Variants in RAB27B observed in about 807,000 individuals in gnomAD.
The protein encoded by RAB27B is RAB27B, member RAS oncogene family.
In RAB27B, 15 loss-of-function variants were observed where a neutral mutation model predicts 24.6. The observed-to-expected ratio is 0.61, with a 90% CI of 0.41 to 0.94. The LOEUF (loss-of-function observed/expected upper bound fraction) is 0.94, where lower values mean the gene tolerates loss of function less well. Ranked by LOEUF, RAB27B falls within the 40% of genes least tolerant of loss-of-function variation. The pLI is 0.00. For synonymous variants in RAB27B, 105 were observed against 92.5 expected (o/e 1.14, Z -0.78); for missense variants, 261 against 266.8 (o/e 0.98, Z 0.15).
intron 2 of RAB27B, 78 bp downstream of exon 2, chr18:54,877,816 C>T (rs536825050): frequency 3.6e-6 from 5 of 1,393,264 alleles, no homozygotes; most frequent in African/African-American, 3.0e-5. Context: ...ATGTTTATTG[C>T]ATTGGAGTCT....
intron 1 of RAB27B, among the ~76,000 whole-genome samples, chr18:54,843,204 A>G (rs1281578174): frequency 6.6e-6 from 1 of 152,234 alleles, no homozygotes; most frequent in Non-Finnish European, 1.5e-5. Context: ...AGCAAGGAAC[A>G]TAACCTGCAT....
intron 1 of RAB27B, among the ~76,000 whole-genome samples, chr18:54,847,092 C>T (rs988351349): frequency 6.6e-6 from 1 of 152,118 alleles, no homozygotes; most frequent in African/African-American, 2.4e-5. Flanking sequence ...CTCAAGTGAT[C>T]CGCCCACCTC....
chr18:54,883,939 G>A (rs1913026453), intron 3 of RAB27B, among the ~76,000 whole-genome samples: 1 of 152,140 alleles, frequency 6.6e-6, no homozygotes, highest in South Asian at 2.1e-4. Flanking sequence ...TGTGTGCCAA[G>A]CTTTCTTCTG....
intron 4 of RAB27B, among the ~76,000 whole-genome samples, chr18:54,885,467 T>C (rs1913095936): frequency 1.3e-5 from 2 of 152,180 alleles, no homozygotes; most frequent in South Asian, 4.1e-4. Flanking sequence ...TCAGCCAAAC[T>C]GCCTCACATG....
chr18:54,727,095 C>T (rs1909562888), intron 2 of RAB27B, among the ~76,000 whole-genome samples: 1 of 152,120 alleles, frequency 6.6e-6, no homozygotes, highest in Non-Finnish European at 1.5e-5. Flanking sequence ...CATTCTACCT[C>T]AGCCTATAGC....
At chr18:54,861,160 AG>A (rs1315767754) in intron 1 of RAB27B, among the ~76,000 whole-genome samples, 1 of 152,204 alleles carries the variant, frequency 6.6e-6, no homozygotes, top group Non-Finnish European at 1.5e-5. Context: ...AATAAAGCAA[AG>A]CAGTGGAACT....
intron 2 of RAB27B, chr18:54,744,810 A>G (rs1910184215): frequency 1.5e-5 from 3 of 194,604 alleles, no homozygotes; most frequent in Non-Finnish European, 3.3e-5. Context: ...TTCTTGCAGC[A>G]GGAACTCACT....
intron 1 of RAB27B, among the ~76,000 whole-genome samples, chr18:54,843,093 G>A (rs1387995943): frequency 6.6e-6 from 1 of 152,114 alleles, no homozygotes; most frequent in African/African-American, 2.4e-5. Context: ...ACCGTGCCTG[G>A]CCAATAATAT....
At chr18:54,876,231 C>T (rs1912694439) in intron 1 of RAB27B, among the ~76,000 whole-genome samples, 1 of 152,218 alleles carries the variant, frequency 6.6e-6, no homozygotes, top group African/African-American at 2.4e-5. Flanking sequence ...GAAACCACCC[C>T]CATGATTCAA....
intron 2 of RAB27B, among the ~76,000 whole-genome samples, chr18:54,770,681 G>A (rs950736501): frequency 4.0e-5 from 6 of 151,806 alleles, no homozygotes; most frequent in African/African-American, 1.5e-4. Flanking sequence ...CAAAAATTTC[G>A]GGGACCGCTA....
chr18:54,816,035 T>C (rs2145157208), intron 2 of RAB27B, among the ~76,000 whole-genome samples: 1 of 152,346 alleles, frequency 6.6e-6, no homozygotes, highest in East Asian at 1.9e-4. Flanking sequence ...CCTATCTTTT[T>C]CAACTGGCTT....
intron 2 of RAB27B, among the ~76,000 whole-genome samples, chr18:54,783,084 A>G (rs1598901170): frequency 6.6e-6 from 1 of 151,970 alleles, no homozygotes; most frequent in Non-Finnish European, 1.5e-5. Flanking sequence ...CAGCCTCCCA[A>G]GTAGCTGGGA....
At chr18:54,796,139 T>G (rs1377058700) in intron 2 of RAB27B, among the ~76,000 whole-genome samples, 1 of 152,116 alleles carries the variant, frequency 6.6e-6, no homozygotes, top group Non-Finnish European at 1.5e-5. Context: ...GCTCGCTCCT[T>G]TGGCTGCCCC....
chr18:54,859,669 CT>C (rs1343398490), intron 1 of RAB27B, among the ~76,000 whole-genome samples: 1 of 152,160 alleles, frequency 6.6e-6, no homozygotes, highest in Non-Finnish European at 1.5e-5. Flanking sequence ...CTGTAAATGT[CT>C]TTGTGCTAAT....
intron 1 of RAB27B, among the ~76,000 whole-genome samples, chr18:54,849,254 G>C (rs967043348): frequency 2.6e-5 from 4 of 152,222 alleles, no homozygotes; most frequent in African/African-American, 7.2e-5. Context: ...ACATTGGTTG[G>C]AGATCCTGCC....
At chr18:54,747,965 A>G (rs899117357) in intron 2 of RAB27B, among the ~76,000 whole-genome samples, 4 of 152,086 alleles carry the variant, frequency 2.6e-5, no homozygotes, top group African/African-American at 9.6e-5. Flanking sequence ...AAAATTAGCC[A>G]TGCTTGGTGA....
intron 2 of RAB27B, among the ~76,000 whole-genome samples, chr18:54,738,851 T>C (rs1036590072): frequency 4.6e-5 from 7 of 152,214 alleles, no homozygotes; most frequent in African/African-American, 1.7e-4. Flanking sequence ...TTTATTTTAA[T>C]TGTACAACTC....
chr18:54,884,487 TA>T, intron 4 of RAB27B, 51 bp downstream of exon 4: 1 of 1,183,698 alleles, frequency 8.4e-7, no homozygotes, highest in Non-Finnish European at 1.3e-6. Context: ...TCAACTGCCT[TA>T]GGTGCTTGTT....
chr18:54,761,734 C>T (rs1568056206), intron 2 of RAB27B, among the ~76,000 whole-genome samples: 1 of 152,130 alleles, frequency 6.6e-6, no homozygotes, highest in Admixed American at 6.6e-5. Flanking sequence ...ATTTAAAAAT[C>T]TAAAATAGAA....
Sources: gnomAD v4.1 joint callset for allele counts (sites outside exome capture counted in the v4.1 genomes callset) on GRCh38, gnomAD v4.1.1 for gene constraint, MANE v1.5 for transcripts, NCBI Gene and HGNC (gene_info 2026-07-23, HGNC 2026-07-21) for gene names.